The following PSD3 variants were observed in gnomAD, a reference collection of about 807,000 sequenced individuals.
PSD3 encodes the protein pleckstrin and Sec7 domain containing 3.
In PSD3, 49 loss-of-function variants were observed where a neutral mutation model predicts 105.5. That is an observed-to-expected ratio of 0.46 (90% CI 0.37 to 0.59). The LOEUF is 0.59. Among genes scored for constraint, PSD3 ranks in the 20% least tolerant of loss-of-function variants. The pLI, the probability that PSD3 is intolerant of heterozygous loss-of-function variation, is 0.00. For missense variants in PSD3, 1,561 were observed against 1,263.8 expected (o/e 1.24, Z -3.57); for synonymous variants, 557 against 457.8 (o/e 1.22, Z -2.77).
chr8:18,696,523 T>G (rs1474190880), intron 9 of PSD3, among the ~76,000 whole-genome samples: 1 of 152,206 alleles, frequency 6.6e-6, no homozygotes, highest in Non-Finnish European at 1.5e-5. Context: ...CAGCTTGTGT[T>G]AAGATACATT....
chr8:18,669,250 G>C (rs1331850990), intron 9 of PSD3, among the ~76,000 whole-genome samples: 1 of 152,180 alleles, frequency 6.6e-6, no homozygotes, highest in Non-Finnish European at 1.5e-5. Flanking sequence ...TGATACAGTA[G>C]TCTCCCGATC....
chr8:19,076,833 T>C (rs2063079), intron 1 of PSD3, among the ~76,000 whole-genome samples: 145,538 of 152,116 alleles, frequency 0.96, 69,982 homozygotes, highest in East Asian at 1. Flanking sequence ...ATACAGCTAC[T>C]GGTGCGACTC....
At chr8:18,580,340 C>G (rs1802730215) in intron 12 of PSD3, among the ~76,000 whole-genome samples, 1 of 152,116 alleles carries the variant, frequency 6.6e-6, no homozygotes. Context: ...CTTGAATCCT[C>G]AGTGGCTTCC....
At chr8:18,569,151 A>G (rs375000971) in intron 14 of PSD3, among the ~76,000 whole-genome samples, 7 of 130,730 alleles carry the variant, frequency 5.4e-5, no homozygotes, top group Non-Finnish European at 1.1e-4. Flanking sequence ...ATTGTGAATA[A>G]TGCCGCAATA....
chr8:18,988,688 C>A (rs1825635668), intron 1 of PSD3, among the ~76,000 whole-genome samples: 1 of 152,150 alleles, frequency 6.6e-6, no homozygotes, highest in Non-Finnish European at 1.5e-5. Flanking sequence ...GACACTATCA[C>A]ATGTTTAAAA....
Position 18,528,682 on chromosome 8 carries a change from G to A in PSD3, c.*7061C>T, listed in dbSNP as rs938419534. ...CAGAGCAGTGAGCCTCAGACCTGCA[G>A]TGTGGTCCTTAATCGAGCCTTGGGC... On this transcript the variant is annotated 3_prime_UTR_variant, in exon 16 of 16. Transcript: ENST00000327040. 2.6e-5 allele frequency: 4 copies of A among 152,730 alleles called. No homozygotes were observed. The highest frequency in any genetic ancestry group is 7.2e-5 in the African/African-American group (3 of 41,570). The allele number at this position is 152,730 out of a possible 1,614,324, so 9.5% of individuals were successfully genotyped here.
chr8:18,646,654 T>C (rs919350559), intron 10 of PSD3, among the ~76,000 whole-genome samples: 1 of 151,964 alleles, frequency 6.6e-6, no homozygotes, highest in Non-Finnish European at 1.5e-5. Flanking sequence ...TGTAAGGTGG[T>C]ACAACTAAAT....
intron 9 of PSD3, among the ~76,000 whole-genome samples, chr8:18,741,388 C>T (rs1258444709): frequency 1.3e-5 from 2 of 152,146 alleles, no homozygotes; most frequent in African/African-American, 2.4e-5. Flanking sequence ...TCCAAGAGTC[C>T]ATTGATCTTT....
chr8:18,549,383 ATTT>A (rs1800633399), intron 15 of PSD3, among the ~76,000 whole-genome samples: 1 of 151,886 alleles, frequency 6.6e-6, no homozygotes, highest in South Asian at 2.1e-4. Context: ...GTTTCTTTGT[ATTT>A]TTAATTGAGA....
intron 1 of PSD3, among the ~76,000 whole-genome samples, chr8:18,964,452 T>C (rs1177608706): frequency 7.1e-6 from 1 of 141,188 alleles, no homozygotes; most frequent in Non-Finnish European, 1.6e-5. Flanking sequence ...ACAAAACTAA[T>C]AACCTTAATG....
intron 1 of PSD3, among the ~76,000 whole-genome samples, chr8:18,973,346 T>C (rs1200082508): frequency 6.6e-6 from 1 of 152,188 alleles, no homozygotes; most frequent in African/African-American, 2.4e-5. Flanking sequence ...CAACAGACAT[T>C]TTTCTCAAAG....
chr8:18,676,956 A>C (rs1363476906), intron 9 of PSD3, among the ~76,000 whole-genome samples: 2 of 152,212 alleles, frequency 1.3e-5, no homozygotes, highest in East Asian at 1.9e-4. Flanking sequence ...TCTGTAACAG[A>C]GACATCCAAA....
intron 14 of PSD3, among the ~76,000 whole-genome samples, chr8:18,557,176 G>A (rs1357355173): frequency 1.3e-5 from 2 of 152,158 alleles, no homozygotes; most frequent in Admixed American, 6.5e-5. Context: ...TCTTGAAAAT[G>A]TATGACTCCT....
At chr8:18,691,299 G>C (rs969079892) in intron 9 of PSD3, among the ~76,000 whole-genome samples, 4 of 152,186 alleles carry the variant, frequency 2.6e-5, no homozygotes, top group Non-Finnish European at 5.9e-5. Flanking sequence ...TTTTAGACCA[G>C]AGTGATGCAT....
intron 11 of PSD3, among the ~76,000 whole-genome samples, chr8:18,608,020 G>A (rs903175286): frequency 6.6e-6 from 1 of 152,118 alleles, no homozygotes; most frequent in African/African-American, 2.4e-5. Flanking sequence ...CTCCCACCAG[G>A]TGGGAACTAC....
intron 9 of PSD3, among the ~76,000 whole-genome samples, chr8:18,699,413 G>T (rs1417289306): frequency 6.6e-6 from 1 of 152,198 alleles, no homozygotes; most frequent in Non-Finnish European, 1.5e-5. Context: ...ATTTACTACA[G>T]TAATGTAGCC....
chr8:18,706,392 AAC>A, intron 9 of PSD3, among the ~76,000 whole-genome samples: 2 of 152,316 alleles, frequency 1.3e-5, no homozygotes, highest in East Asian at 3.9e-4. Flanking sequence ...GTATTACACA[AAC>A]ACACATTGGT....
At chr8:19,050,602 C>T (rs1005451205) in intron 1 of PSD3, among the ~76,000 whole-genome samples, 5 of 152,138 alleles carry the variant, frequency 3.3e-5, no homozygotes, top group Non-Finnish European at 5.9e-5. Flanking sequence ...AACCAAACAC[C>T]GCATATTCTC....
In PSD3 at chr8:18,718,190, C is replaced by G. The variant is rs535261875; in HGVS notation, c.2172+47259G>C. On this transcript the variant is annotated intron_variant, in intron 9 of 15. Coordinates refer to ENST00000327040, the MANE Select transcript of PSD3 (RefSeq NM_015310.4). ...CCATTTCCTAAAACAACACCCTCAA[C>G]AAGGTTACCTTGTATGTAATAGTCT... Among the ~76,000 whole-genome samples, 19 of 152,372 alleles carry G rather than the reference C, an allele frequency of 1.2e-4. No individual in the cohort carries two copies. In the South Asian group the frequency reaches 3.9e-3, roughly 32 times the overall value.
Sources: gnomAD v4.1 joint callset for allele counts (sites outside exome capture counted in the v4.1 genomes callset) on GRCh38, gnomAD v4.1.1 for gene constraint, MANE v1.5 for transcripts, NCBI Gene and HGNC (gene_info 2026-07-23, HGNC 2026-07-21) for gene names.